LNX2: variants seen among roughly 807,000 people sequenced by gnomAD.
The protein encoded by LNX2 is ligand of Numb protein X 2.
LNX2 carries 35 observed loss-of-function variants against 66.2 expected under a neutral mutation model. The ratio of observed to expected loss-of-function variants is 0.53; its 90% CI spans 0.40 to 0.70. The LOEUF is 0.70. Among genes scored for constraint, LNX2 ranks in the 30% least tolerant of loss-of-function variants. The pLI is 0.00. For missense variants in LNX2, 791 were observed against 850.8 expected (o/e 0.93, Z 0.87); for synonymous variants, 337 against 315.6 (o/e 1.07, Z -0.72).
At chr13:27,573,123 T>C (rs1955302529) in intron 2 of LNX2, among the ~76,000 whole-genome samples, 1 of 152,112 alleles carries the variant, frequency 6.6e-6, no homozygotes, top group South Asian at 2.1e-4. Context: ...AAGAGAGAGC[T>C]CTGTGGCATT....
In LNX2 at chr13:27,583,230, G is replaced by C. The variant is rs1566124776; in HGVS notation, c.-100-1427C>G. 6.2e-4 allele frequency among the ~76,000 whole-genome samples: 15 copies of C among 24,084 alleles called. 3 individuals are homozygous for C. The highest frequency in any genetic ancestry group is 3.2e-3 in the African/African-American group (13 of 4,004). The allele number at this position is 24,084 out of a possible 152,430, so 15.8% of individuals were successfully genotyped here. ...TGTGTGTGTGTGTGTGTGTGTGTGT[G>C]TGTGTGTGTGTGTGTGTGTGTGTGT... On this transcript the variant is annotated intron_variant, in intron 1 of 9. Coordinates refer to ENST00000316334, the MANE Select transcript of LNX2 (RefSeq NM_153371.4).
At chr13:27,599,450 T>A (rs1365896689) in intron 1 of LNX2, among the ~76,000 whole-genome samples, 7 of 152,174 alleles carry the variant, frequency 4.6e-5, no homozygotes, top group Non-Finnish European at 1.5e-5. Context: ...GCTCTAGGTG[T>A]TTGAACAATT....
chr13:27,613,232 T>C (rs796243194), intron 1 of LNX2, among the ~76,000 whole-genome samples: 4 of 151,908 alleles, frequency 2.6e-5, no homozygotes, highest in African/African-American at 9.7e-5. Flanking sequence ...GCTTCCAAAC[T>C]GGATAGAGAC....
intron 1 of LNX2, among the ~76,000 whole-genome samples, chr13:27,612,540 CAT>C (rs568304872): frequency 6.7e-4 from 102 of 152,374 alleles, no homozygotes; most frequent in African/African-American, 2.5e-3. Flanking sequence ...ACTTGAGCCA[CAT>C]GTGTCATTTC....
rs530121124 is a variant in LNX2, at chr13:27,562,776, G to A, written c.861C>T (p.Asn287=). 10 of 1,596,526 alleles carry A rather than the reference G, an allele frequency of 6.3e-6. No individual in the cohort carries two copies. In the South Asian group the frequency reaches 6.7e-5, roughly 11 times the overall value. ...GGGACACATTGCTGATATTGTAGTTGTTGACCTAGAAAAAAAGAATTGTGA... is the reference window on the plus strand; with the variant it reads ...GGGACACATTGCTGATATTGTAGTTATTGACCTAGAAAAAAAGAATTGTGA... ...LLAGDQILQV[N]NYNISNVSHN... Residue 287 remains asparagine, a synonymous_variant, in exon 5 of 10, where the codon AAC becomes AAT. Coordinates refer to ENST00000316334, the MANE Select transcript of LNX2 (RefSeq NM_153371.4).
At chr13:27,616,386 G>A (rs546634072) in intron 1 of LNX2, among the ~76,000 whole-genome samples, 2 of 152,186 alleles carry the variant, frequency 1.3e-5, no homozygotes, top group South Asian at 2.1e-4. Flanking sequence ...GTAGTAAAAC[G>A]TTTCTTATCG....
chr13:27,569,185 G>A lies in LNX2; in HGVS notation c.499C>T (p.Leu167=). The change falls in exon 3 of 10, where the codon CTA becomes TTA. Residue 167 remains leucine, a synonymous_variant. Transcript: ENST00000316334. ...AEIENENGPT[L]LDPAGTLSPE... ...GATAAGGTACCTGCAGGATCTAGTAGAGTGGGCCCATTTTCATTCTCAATC... is the reference window on the plus strand; with the variant it reads ...GATAAGGTACCTGCAGGATCTAGTAAAGTGGGCCCATTTTCATTCTCAATC... The A allele has an allele frequency of 6.2e-7, 1 of 1,613,148 alleles. No individual in the cohort carries two copies. The highest frequency in any genetic ancestry group is 1.7e-5 in the Admixed American group (1 of 59,874).
intron 1 of LNX2, among the ~76,000 whole-genome samples, chr13:27,612,596 GA>G (rs1955783940): frequency 6.6e-6 from 1 of 152,212 alleles, no homozygotes; most frequent in Non-Finnish European, 1.5e-5. Flanking sequence ...AGAAACAAGT[GA>G]ATGAATTATT....
intron 2 of LNX2, among the ~76,000 whole-genome samples, chr13:27,579,130 T>C (rs1425799001): frequency 6.6e-6 from 1 of 152,222 alleles, no homozygotes; most frequent in Non-Finnish European, 1.5e-5. Context: ...ATCTGGCACA[T>C]AGCAGATAAT....
chr13:27,583,182 G>C (rs921127053), intron 1 of LNX2, among the ~76,000 whole-genome samples: 3 of 1,244 alleles, frequency 2.4e-3, no homozygotes. Context: ...GTGTGTGTGT[G>C]TGTGTGTGTG....
chr13:27,553,101 T>G, intron 8 of LNX2, 107 bp downstream of exon 8: 1 of 929,642 alleles, frequency 1.1e-6, no homozygotes, highest in Non-Finnish European at 1.6e-6. Context: ...TTTACTGAAT[T>G]AAAGCTTTTT....
chr13:27,552,565 A>C (rs1333461272), intron 8 of LNX2, among the ~76,000 whole-genome samples: 4 of 151,416 alleles, frequency 2.6e-5, no homozygotes, highest in African/African-American at 9.8e-5. Flanking sequence ...ATAGGAACAC[A>C]TTCTTCCTAT....
chr13:27,550,258 G>C, intron 9 of LNX2, 75 bp downstream of exon 9: 1 of 1,316,042 alleles, frequency 7.6e-7, no homozygotes, highest in South Asian at 1.4e-5. Context: ...ATTTAGTGCT[G>C]ACCCCTGACC....
chr13:27,549,514 G>C (rs1288519380), intron 9 of LNX2, among the ~76,000 whole-genome samples: 1 of 152,180 alleles, frequency 6.6e-6, no homozygotes, highest in Non-Finnish European at 1.5e-5. Context: ...CAGGGATCTA[G>C]AGCCAGATAG....
chr13:27,589,242 G>C (rs975580020), intron 1 of LNX2, among the ~76,000 whole-genome samples: 2 of 152,220 alleles, frequency 1.3e-5, no homozygotes, highest in African/African-American at 4.8e-5. Flanking sequence ...ACTGGAAGAA[G>C]CATATCTGGA....
At chr13:27,619,653 A>G (rs1474481581) in intron 1 of LNX2, among the ~76,000 whole-genome samples, 1 of 152,260 alleles carries the variant, frequency 6.6e-6, no homozygotes, top group Non-Finnish European at 1.5e-5. Context: ...GGTACAAACG[A>G]ACGTCTGGAT....
intron 1 of LNX2, among the ~76,000 whole-genome samples, chr13:27,616,530 TCAG>T: frequency 6.6e-6 from 1 of 152,302 alleles, no homozygotes; most frequent in East Asian, 1.9e-4. Context: ...GGAAGTCCAT[TCAG>T]ATGGCTGGGG....
rs200072782 is a variant in LNX2, at chr13:27,594,728, CATA to C, written c.-100-12928_-100-12926del. 7.2e-4 allele frequency among the ~76,000 whole-genome samples: 110 copies of C among 152,268 alleles called. 1 individual carries two copies. The East Asian group carries it at 0.019, about 26-fold the overall frequency. On this transcript the variant is annotated intron_variant, in intron 1 of 9. Transcript: ENST00000316334. ...AGGCACGCCTATATTCCCAGTATCACATAATTAGAACCAGAGGATCCTCCCGTT... is the reference window on the plus strand; with the variant it reads ...AGGCACGCCTATATTCCCAGTATCACATTAGAACCAGAGGATCCTCCCGTT...
intron 2 of LNX2, among the ~76,000 whole-genome samples, chr13:27,570,013 G>T (rs1326765865): frequency 6.6e-6 from 1 of 152,170 alleles, no homozygotes; most frequent in East Asian, 1.9e-4. Flanking sequence ...GCCGATGGAT[G>T]CTTGTTTTTA....
Sources: gnomAD v4.1 joint callset for allele counts (sites outside exome capture counted in the v4.1 genomes callset) on GRCh38, gnomAD v4.1.1 for gene constraint, MANE v1.5 for transcripts, NCBI Gene and HGNC (gene_info 2026-07-23, HGNC 2026-07-21) for gene names.